Variants in SLC8A1 observed in about 807,000 individuals in gnomAD.
SLC8A1 encodes solute carrier family 8 member A1.
A neutral mutation model predicts 68.3 loss-of-function variants in SLC8A1; 18 were observed. That is an observed-to-expected ratio of 0.26 (90% CI 0.18 to 0.39). SLC8A1 has a LOEUF of 0.39. SLC8A1 is among the 10% of genes least tolerant of loss of function. The pLI, the probability that SLC8A1 is intolerant of heterozygous loss-of-function variation, is 1.00. For synonymous variants in SLC8A1, 475 were observed against 415.5 expected, an observed-to-expected ratio of 1.14 and a Z score of -1.74; for missense variants, 985 against 1,156.7, an observed-to-expected ratio of 0.85 and a Z score of 2.15.
chr2:40,279,747 G>C (rs1202985290), intron 2 of SLC8A1, among the ~76,000 whole-genome samples: 3 of 152,144 alleles, frequency 2.0e-5, no homozygotes, highest in Non-Finnish European at 2.9e-5. Context: ...AGTAAAATCT[G>C]TTACTAGGGT....
At chr2:40,294,022 C>A (rs1021328390) in intron 2 of SLC8A1, among the ~76,000 whole-genome samples, 20 of 152,160 alleles carry the variant, frequency 1.3e-4, no homozygotes, top group African/African-American at 4.8e-4. Flanking sequence ...TTAAAGTTTT[C>A]AATAAAGCTA....
intron 7 of SLC8A1, among the ~76,000 whole-genome samples, chr2:40,132,545 G>A (rs980957871): frequency 6.6e-6 from 1 of 151,644 alleles, no homozygotes; most frequent in African/African-American, 2.4e-5. Flanking sequence ...AAAGCGACAG[G>A]ACCCAGTAAA....
At chr2:40,433,515 A>T (rs1343561084) in intron 1 of SLC8A1, among the ~76,000 whole-genome samples, 1 of 152,132 alleles carries the variant, frequency 6.6e-6, no homozygotes, top group Non-Finnish European at 1.5e-5. Flanking sequence ...ATTAGCCAGC[A>T]TTGCTGTTAT....
chr2:40,139,743 C>T, intron 6 of SLC8A1, 67 bp from the exon 10 acceptor site: 1 of 1,536,312 alleles, frequency 6.5e-7, no homozygotes, highest in Non-Finnish European at 8.9e-7. Flanking sequence ...CTCTCTCAAT[C>T]TCTCCTATCT....
chr2:40,099,018 A>G (rs1334153284), exon 8 of SLC8A1: 2 of 152,066 alleles, frequency 1.3e-5, no homozygotes, highest in Non-Finnish European at 2.9e-5. Flanking sequence ...AATACCACAG[A>G]TATAAAAATA....
At chr2:40,310,208 G>A (rs1575281399) in intron 2 of SLC8A1, among the ~76,000 whole-genome samples, 1 of 152,196 alleles carries the variant, frequency 6.6e-6, no homozygotes. Context: ...CAGATGTATG[G>A]AGTTGGTGCA....
intron 2 of SLC8A1, among the ~76,000 whole-genome samples, chr2:40,282,623 T>C (rs1207802875): frequency 6.6e-6 from 1 of 152,178 alleles, no homozygotes; most frequent in Non-Finnish European, 1.5e-5. Flanking sequence ...TTTTGCACGC[T>C]CCTTTGCTCC....
exon 8 of SLC8A1, chr2:40,103,109 T>C (rs1057466649): frequency 2.6e-5 from 4 of 152,238 alleles, no homozygotes; most frequent in Admixed American, 6.5e-5. Context: ...AATATATTAC[T>C]GCTATGAAGC....
At chr2:40,136,511 T>A (rs911734069) in intron 7 of SLC8A1, among the ~76,000 whole-genome samples, 13 of 152,172 alleles carry the variant, frequency 8.5e-5, no homozygotes, top group Non-Finnish European at 1.8e-4. Flanking sequence ...TCCCAAAGTC[T>A]AACCTAGAAA....
chr2:40,288,837 A>ATATATATATATATATATATAT (rs1284430169), intron 2 of SLC8A1, among the ~76,000 whole-genome samples: 4 of 142,086 alleles, frequency 2.8e-5, no homozygotes, highest in African/African-American at 1.1e-4. Flanking sequence ...AAGTAATCAT[A>ATATATATATATATATATATAT]TATATATATA....
At chr2:40,466,311 C>A (rs561897043) in intron 1 of SLC8A1, among the ~76,000 whole-genome samples, 24 of 152,188 alleles carry the variant, frequency 1.6e-4, no homozygotes, top group African/African-American at 5.5e-4. Context: ...AAAAATGAGG[C>A]TCTTTCAATC....
intron 3 of SLC8A1, among the ~76,000 whole-genome samples, chr2:40,176,984 GCCATATAT>G (rs1212303074): frequency 2.6e-5 from 4 of 152,104 alleles, no homozygotes; most frequent in Non-Finnish European, 1.5e-5. Flanking sequence ...TGAAATATAT[GCCATATAT>G]TAATAATCAG....
chr2:40,470,021 C>T (rs996693708), intron 1 of SLC8A1, among the ~76,000 whole-genome samples: 2 of 152,132 alleles, frequency 1.3e-5, no homozygotes, highest in African/African-American at 4.8e-5. Context: ...AACTTTCTCT[C>T]ATCGACTATT....
chr2:40,113,198 G>A (rs2034785854), exon 8 of SLC8A1: 1 of 152,442 alleles, frequency 6.6e-6, no homozygotes, highest in East Asian at 1.9e-4. Flanking sequence ...TATTAAATGA[G>A]GAAGGATCAT....
chr2:40,225,065 G>T (rs566264837), intron 2 of SLC8A1, among the ~76,000 whole-genome samples: 26 of 152,210 alleles, frequency 1.7e-4, no homozygotes, highest in African/African-American at 6.0e-4. Context: ...TTCCCTGAAG[G>T]TTTGAAGTCT....
chr2:40,340,652 T>G (rs1420821600), intron 2 of SLC8A1, among the ~76,000 whole-genome samples: 1 of 152,186 alleles, frequency 6.6e-6, no homozygotes, highest in Non-Finnish European at 1.5e-5. Flanking sequence ...TTAGGATTTT[T>G]GATACAGAAC....
At chr2:40,248,669 C>A (rs985108223) in intron 2 of SLC8A1, among the ~76,000 whole-genome samples, 35 of 152,070 alleles carry the variant, frequency 2.3e-4, no homozygotes, top group African/African-American at 8.2e-4. Context: ...TCATTTTTTT[C>A]TAGGTTTAAC....
At chr2:40,312,408 G>A (rs750109834) in intron 2 of SLC8A1, among the ~76,000 whole-genome samples, 1 of 151,986 alleles carries the variant, frequency 6.6e-6, no homozygotes, top group Non-Finnish European at 1.5e-5. Context: ...TCACACATCT[G>A]CTAACAGTGG....
At chr2:40,392,374 C>T (rs574370901) in intron 2 of SLC8A1, among the ~76,000 whole-genome samples, 1 of 152,082 alleles carries the variant, frequency 6.6e-6, no homozygotes, top group African/African-American at 2.4e-5. Context: ...AACAGAGAAC[C>T]AATAGCTAGG....
Sources: gnomAD v4.1 joint callset for allele counts (sites outside exome capture counted in the v4.1 genomes callset) on GRCh38, gnomAD v4.1.1 for gene constraint, MANE v1.5 for transcripts, NCBI Gene and HGNC (gene_info 2026-07-23, HGNC 2026-07-21) for gene names.